CMC2: variants seen among roughly 807,000 people sequenced by gnomAD.
CMC2 encodes COX assembly mitochondrial protein 2 homolog.
A neutral mutation model predicts 7.5 loss-of-function variants in CMC2; 5 were observed. The observed-to-expected ratio is 0.66, with a 90% confidence interval of 0.35 to 1.40. CMC2 has a LOEUF of 1.40. Ranked by LOEUF, CMC2 falls within the 40% of genes most tolerant of loss-of-function variation. CMC2 has a pLI of 0.04. For synonymous variants in CMC2, 37 were observed against 31.4 expected (o/e 1.18, Z -0.60); for missense variants, 115 against 92.3 (o/e 1.25, Z -1.01).
intron 2 of CMC2, among the ~76,000 whole-genome samples, chr16:80,995,132 C>T (rs752620627): frequency 3.3e-5 from 5 of 151,584 alleles, no homozygotes; most frequent in Non-Finnish European, 5.9e-5. Context: ...GGTGACAGAG[C>T]GAGACTCTGT....
chr16:80,977,123 T>C (rs528677742), intron 3 of CMC2, among the ~76,000 whole-genome samples: 15 of 152,308 alleles, frequency 9.8e-5, no homozygotes, highest in Non-Finnish European at 1.6e-4. Context: ...TGGAAATACA[T>C]AGCTCAACTT....
Position 80,975,628 on chromosome 16 carries a change from T to TC in CMC2, c.*464_*465insG, listed in dbSNP as rs1160996196. The TC allele has an allele frequency of 6.6e-6, 1 of 152,466 alleles. No homozygotes were observed. The highest frequency in any genetic ancestry group is 1.9e-4 in the East Asian group (1 of 5,196). 9.4% of individuals were successfully genotyped at this position (152,466 alleles called of 1,614,324 possible). ...CACTATGTCTCAAAAAAAAAATTTT[T>TC]TTTAATCATTTAGAAAATCACTCTT... is the stretch of plus-strand genomic sequence containing the variant. On this transcript the variant is annotated 3_prime_UTR_variant, in exon 4 of 4. Transcript: ENST00000219400.
At chr16:80,999,207 A>T (rs1968662989) in intron 1 of CMC2, among the ~76,000 whole-genome samples, 1 of 152,092 alleles carries the variant, frequency 6.6e-6, no homozygotes, top group South Asian at 2.1e-4. Context: ...CTGCCAAATG[A>T]CTTGAGTAGT....
At chr16:81,003,688 C>T (rs928833187) in intron 1 of CMC2, among the ~76,000 whole-genome samples, 1 of 152,170 alleles carries the variant, frequency 6.6e-6, no homozygotes, top group Non-Finnish European at 1.5e-5. Context: ...TGATTGACTA[C>T]AAGTTCAAAA....
chr16:81,003,263 A>C (rs2602415), intron 1 of CMC2, among the ~76,000 whole-genome samples: 95,652 of 151,958 alleles, frequency 0.63, 31,621 homozygotes, highest in South Asian at 0.79. Flanking sequence ...TTAACTCAAA[A>C]TATATTTAAC....
chr16:80,980,841 C>G, intron 3 of CMC2: 1 of 700,104 alleles, frequency 1.4e-6, no homozygotes, highest in Non-Finnish European at 2.6e-6. Flanking sequence ...GAGTTACGAT[C>G]ACCCTACTGC....
At position 80,969,508 on chromosome 16, in the gene CMC2, G is replaced by C. The variant is rs1360159079; in HGVS notation, c.*6585C>G. The stretch of plus-strand genomic sequence containing the variant: ...TTAATGAACTCTCAAAACTGATCCC[G>C]TAGGGTTCCCTCCCAGGACAAGACT... On this transcript the variant is annotated 3_prime_UTR_variant, in exon 4 of 4. Coordinates refer to ENST00000219400, the MANE Select transcript of CMC2 (RefSeq NM_020188.5). 6.6e-6 allele frequency: 1 copy of C among 152,256 alleles called. No homozygotes were observed. 9.4% of individuals were successfully genotyped at this position (152,256 alleles called of 1,614,324 possible).
chr16:80,992,943 T>C (rs13337497), intron 2 of CMC2, among the ~76,000 whole-genome samples: 18,481 of 152,096 alleles, frequency 0.12, 1,694 homozygotes, highest in African/African-American at 0.25. Context: ...CCTTTATCAA[T>C]CTTTGATTTT....
At position 80,967,332 on chromosome 16, in the gene CMC2, TTTTTGTTTTG is replaced by T. The variant is rs138599086; in HGVS notation, c.*8751_*8760del. On this transcript the variant is annotated 3_prime_UTR_variant, in exon 4 of 4. Coordinates refer to ENST00000219400, the MANE Select transcript of CMC2 (RefSeq NM_020188.5). The stretch of plus-strand genomic sequence containing the variant: ...ATCTGCTTTGAAAAGATATCCTCGT[TTTTTGTTTTG>T]TTTTGTTTTGTTTTTTGAGACGGAG... 6.5e-6 allele frequency: 1 copy of T among 153,090 alleles called. No individual in the cohort carries two copies. The highest frequency in any genetic ancestry group is 1.5e-5 in the Non-Finnish European group (1 of 68,864). The allele number at this position is 153,090 out of a possible 1,614,324, so 9.5% of individuals were successfully genotyped here.
In CMC2 at chr16:81,006,792, C is replaced by A. The variant is rs1296256135; in HGVS notation, c.-94G>T. Reference sequence around the variant, plus strand: ...GCAGTAGCCGGCGGAGACGCCCGACCCGAAGGCCGGCTGCTAGGGAGCAGA... The same window carrying A: ...GCAGTAGCCGGCGGAGACGCCCGACACGAAGGCCGGCTGCTAGGGAGCAGA... On this transcript the variant is annotated 5_prime_UTR_variant, in exon 1 of 4. Transcript: ENST00000219400. 5 of 985,564 alleles carry A rather than the reference C, an allele frequency of 5.1e-6. No homozygotes were observed. Among genetic ancestry groups the A allele is most frequent in the Non-Finnish European group, 6.0e-6 (5 of 830,136 alleles). 61.1% of individuals were successfully genotyped at this position (985,564 alleles called of 1,614,324 possible). A position where few individuals can be genotyped will look rare whatever the true frequency, so the allele number is the denominator to read the frequency against.
intron 3 of CMC2, chr16:80,978,515 A>G: frequency 2.0e-6 from 1 of 495,436 alleles, no homozygotes; most frequent in East Asian, 7.7e-5. Context: ...AAACCAAACA[A>G]AACAATTAAG....
chr16:80,987,676 G>C (rs980630747), intron 2 of CMC2, among the ~76,000 whole-genome samples: 18 of 152,120 alleles, frequency 1.2e-4, no homozygotes, highest in African/African-American at 4.3e-4. Context: ...TAAAAGCACG[G>C]AAAGAATGAT....
Position 80,969,468 on chromosome 16 carries a change from T to A in CMC2, c.*6625A>T, listed in dbSNP as rs1911771998. Reference sequence around the variant, plus strand: ...GGCCCACAGGAAGGTCTGAAGGGGCTGGAACAATTTAGCATTAATGAACTC... The same window carrying A: ...GGCCCACAGGAAGGTCTGAAGGGGCAGGAACAATTTAGCATTAATGAACTC... On this transcript the variant is annotated 3_prime_UTR_variant, in exon 4 of 4. Transcript: ENST00000219400. The A allele has an allele frequency of 6.6e-6, 1 of 152,236 alleles. No homozygotes were observed. Among genetic ancestry groups the A allele is most frequent in the Non-Finnish European group, 1.5e-5 (1 of 68,078 alleles). 9.4% of individuals were successfully genotyped at this position (152,236 alleles called of 1,614,324 possible).
rs1318702327 is a variant in CMC2 at position 80,966,630 on chromosome 16, C to T, written c.*9463G>A. On this transcript the variant is annotated 3_prime_UTR_variant, in exon 4 of 4. Transcript: ENST00000219400. ...TTATTATAAAGTTTTACTTTTTTTG[C>T]AGTTCTCCTTATCTTCAGGATGTAT... 1 of 151,950 alleles carries T rather than the reference C, an allele frequency of 6.6e-6. No individual in the cohort carries two copies. The highest frequency in any genetic ancestry group is 1.5e-5 in the Non-Finnish European group (1 of 67,978). The allele number at this position is 151,950 out of a possible 1,614,324, so 9.4% of individuals were successfully genotyped here. A position where few individuals can be genotyped will look rare whatever the true frequency, so the allele number is the denominator to read the frequency against.
intron 1 of CMC2, among the ~76,000 whole-genome samples, chr16:81,005,053 C>T (rs549983381): frequency 6.6e-6 from 1 of 152,218 alleles, no homozygotes; most frequent in Non-Finnish European, 1.5e-5. Context: ...AAGCAAAAAA[C>T]AAGGCCAGAA....
Position 80,968,875 on chromosome 16 carries a change from T to C in CMC2, c.*7218A>G, listed in dbSNP as rs757104125. ...GGAAGTGAGGTTTTCATAAACACAA[T>C]GGAAAAAGATGGAAGATACTGAGTC... is the stretch of plus-strand genomic sequence containing the variant. On this transcript the variant is annotated 3_prime_UTR_variant, in exon 4 of 4. Transcript: ENST00000219400. The C allele has an allele frequency of 2.6e-5, 4 of 151,966 alleles. No homozygotes were observed. Among genetic ancestry groups the C allele is most frequent in the Admixed American group, 6.6e-5 (1 of 15,260 alleles). 9.4% of individuals were successfully genotyped at this position (151,966 alleles called of 1,614,324 possible).
In CMC2 at chr16:80,974,080, G is replaced by C. The variant is rs11150332; in HGVS notation, c.*2013C>G. On this transcript the variant is annotated 3_prime_UTR_variant, in exon 4 of 4. Coordinates refer to ENST00000219400, the MANE Select transcript of CMC2 (RefSeq NM_020188.5). ...AGCAGCAACCCGGAAGCCCTCTCCCGCTGGATCCTCCACACACACTTCACC... is the reference window on the plus strand; with the variant it reads ...AGCAGCAACCCGGAAGCCCTCTCCCCCTGGATCCTCCACACACACTTCACC... The C allele has an allele frequency of 0.99, 151,487 of 152,324 alleles. 75,331 individuals are homozygous for C. Among genetic ancestry groups the C allele is most frequent in the Middle Eastern group, 1 (294 of 294 alleles). The allele number at this position is 152,324 out of a possible 1,614,324, so 9.4% of individuals were successfully genotyped here. A position where few individuals can be genotyped will look rare whatever the true frequency, so the allele number is the denominator to read the frequency against.
rs1281441331 is a variant in CMC2, at chr16:80,972,301, AG to A, written c.*3791del. The A allele has an allele frequency of 6.6e-6, 1 of 152,196 alleles. No homozygotes were observed. Among genetic ancestry groups the A allele is most frequent in the African/African-American group, 2.4e-5 (1 of 41,438 alleles). The allele number at this position is 152,196 out of a possible 1,614,324, so 9.4% of individuals were successfully genotyped here. The stretch of plus-strand genomic sequence containing the variant: ...TTTAAGGGGCACAAATTTCAATATC[AG>A]GGTTTCAATATCAGGGTGTAGTGAA... On this transcript the variant is annotated 3_prime_UTR_variant, in exon 4 of 4. Transcript: ENST00000219400.
At chr16:80,991,860 A>C in intron 2 of CMC2, 1 of 446,112 alleles carries the variant, frequency 2.2e-6, no homozygotes, top group South Asian at 1.6e-5. Context: ...ATTATGCCTC[A>C]AACCTTTTCG....
Sources: gnomAD v4.1 joint callset for allele counts (sites outside exome capture counted in the v4.1 genomes callset) on GRCh38, gnomAD v4.1.1 for gene constraint, MANE v1.5 for transcripts, NCBI Gene and HGNC (gene_info 2026-07-23, HGNC 2026-07-21) for gene names.